DCDC1: variants seen among roughly 807,000 people sequenced by gnomAD.
DCDC1 encodes doublecortin domain containing 1, also known as doublecortin domain-containing protein 1.
Under a neutral mutation model 178.3 loss-of-function variants are expected in DCDC1, and 200 were observed. The ratio of observed to expected loss-of-function variants is 1.12; its 90% CI spans 1.00 to 1.26. The LOEUF (loss-of-function observed/expected upper bound fraction) is 1.26, where lower values mean the gene tolerates loss of function less well. Ranked by LOEUF, DCDC1 falls within the 50% of genes most tolerant of loss-of-function variation. The pLI, the probability that DCDC1 is intolerant of heterozygous loss-of-function variation, is 0.00. For synonymous variants in DCDC1, 690 were observed against 604.8 expected (o/e 1.14, Z -2.07); for missense variants, 1,983 against 1,749.2 (o/e 1.13, Z -2.38).
chr11:30,993,908 C>T (rs112394094), intron 20 of DCDC1, among the ~76,000 whole-genome samples: 53 of 152,116 alleles, frequency 3.5e-4, no homozygotes, highest in African/African-American at 1.2e-3. Context: ...ATAGTTTATA[C>T]CAGAACATAG....
intron 38 of DCDC1, among the ~76,000 whole-genome samples, chr11:30,877,732 T>C (rs1349587931): frequency 1.3e-5 from 2 of 152,072 alleles, no homozygotes; most frequent in African/African-American, 4.8e-5. Context: ...GAAGAAAGCA[T>C]TGATTTGTGT....
chr11:31,309,807 T>C (rs963691803), intron 3 of DCDC1, among the ~76,000 whole-genome samples: 47 of 152,292 alleles, frequency 3.1e-4, no homozygotes, highest in African/African-American at 1.1e-3. Flanking sequence ...TATTCTGAAG[T>C]TTTAATCATG....
chr11:31,105,579 A>G (rs1958793628), intron 13 of DCDC1, among the ~76,000 whole-genome samples: 1 of 151,780 alleles, frequency 6.6e-6, no homozygotes, highest in Non-Finnish European at 1.5e-5. Context: ...TCTACTTACA[A>G]CGTAATTAAA....
At chr11:30,880,211 T>A (rs1478457596) in intron 37 of DCDC1, among the ~76,000 whole-genome samples, 1 of 152,004 alleles carries the variant, frequency 6.6e-6, no homozygotes, top group East Asian at 1.9e-4. Flanking sequence ...AGGGTAGTGA[T>A]GGGTGATGGG....
chr11:30,881,605 G>A (rs1246888023), intron 36 of DCDC1, among the ~76,000 whole-genome samples: 1 of 152,114 alleles, frequency 6.6e-6, no homozygotes, highest in African/African-American at 2.4e-5. Context: ...AAACTGGATT[G>A]AAAATCTAGA....
rs1324888212 is a variant in DCDC1, at chr11:31,080,676, CTT to C, written c.2238-2753_2238-2752del. ...TCAATCCCAAGCTTAGAAGTATACT[CTT>C]TTCAAAATAATAAAAAAGAGTGATT... On this transcript the variant is annotated intron_variant, in intron 17 of 38. Transcript: ENST00000684477. 3.3e-5 allele frequency among the ~76,000 whole-genome samples: 5 copies of C among 152,210 alleles called. No homozygotes were observed. The East Asian group carries it at 9.7e-4, about 29-fold the overall frequency.
chr11:31,064,691 A>G, intron 19 of DCDC1, 65 bp from the exon 20 acceptor site: 1 of 740,834 alleles, frequency 1.3e-6, no homozygotes, highest in Non-Finnish European at 2.5e-6. Flanking sequence ...TAAACTATAC[A>G]TGCCAAAAAT....
At chr11:31,359,744 T>C (rs1951610446) in intron 1 of DCDC1, among the ~76,000 whole-genome samples, 1 of 152,178 alleles carries the variant, frequency 6.6e-6, no homozygotes, top group Admixed American at 6.5e-5. Context: ...CTGTACATTT[T>C]CCCTACCTGT....
chr11:31,213,069 G>A (rs542944935), intron 9 of DCDC1, among the ~76,000 whole-genome samples: 23 of 144,486 alleles, frequency 1.6e-4, no homozygotes, highest in Admixed American at 1.2e-3. Context: ...GTGCATTGGT[G>A]AAACTGTGTC....
chr11:31,180,097 T>C (rs1270683546), intron 9 of DCDC1, among the ~76,000 whole-genome samples: 1 of 151,794 alleles, frequency 6.6e-6, no homozygotes, highest in Non-Finnish European at 1.5e-5. Flanking sequence ...TGATAAAAAC[T>C]CCCAACAAAC....
chr11:31,358,127 C>G (rs1951491225), intron 1 of DCDC1, among the ~76,000 whole-genome samples: 2 of 150,618 alleles, frequency 1.3e-5, no homozygotes, highest in Admixed American at 1.3e-4. Flanking sequence ...CCCGCATCGC[C>G]AAGTCAATCC....
intron 10 of DCDC1, among the ~76,000 whole-genome samples, chr11:31,131,248 G>A: frequency 6.7e-6 from 1 of 150,268 alleles, no homozygotes; most frequent in African/African-American, 2.5e-5. Flanking sequence ...AAGGAAGGAA[G>A]AAATTAAAGG....
intron 9 of DCDC1, among the ~76,000 whole-genome samples, chr11:31,212,224 G>T (rs1272228129): frequency 6.6e-6 from 1 of 151,770 alleles, no homozygotes; most frequent in Non-Finnish European, 1.5e-5. Flanking sequence ...CTGTATGAAT[G>T]AAAAATTTCA....
chr11:31,211,626 G>A (rs771166361), intron 9 of DCDC1, among the ~76,000 whole-genome samples: 2 of 152,114 alleles, frequency 1.3e-5, no homozygotes, highest in Non-Finnish European at 2.9e-5. Flanking sequence ...ATCATTTTCA[G>A]TATTTTTAAG....
intron 9 of DCDC1, among the ~76,000 whole-genome samples, chr11:31,154,057 G>A (rs1254827668): frequency 6.6e-6 from 1 of 152,142 alleles, no homozygotes; most frequent in Non-Finnish European, 1.5e-5. Context: ...TCACGCTAGC[G>A]AGTGAGTTCT....
chr11:31,220,043 AC>A (rs1200070396), intron 9 of DCDC1, among the ~76,000 whole-genome samples: 2 of 152,206 alleles, frequency 1.3e-5, no homozygotes, highest in African/African-American at 4.8e-5. Context: ...CTCTGAAGAT[AC>A]GCCATGAATT....
chr11:31,137,875 A>C, intron 9 of DCDC1, 91 bp from the exon 10 acceptor site: 1 of 594,426 alleles, frequency 1.7e-6, no homozygotes, highest in Non-Finnish European at 3.0e-6. Context: ...CATAATCATG[A>C]ATGTGATTTG....
chr11:30,887,221 C>T (rs961638623), intron 36 of DCDC1, among the ~76,000 whole-genome samples: 1 of 152,076 alleles, frequency 6.6e-6, no homozygotes, highest in African/African-American at 2.4e-5. Flanking sequence ...TATTCATGTT[C>T]AATATTTTAT....
At chr11:31,112,687 A>G (rs962862237) in intron 11 of DCDC1, among the ~76,000 whole-genome samples, 4 of 152,298 alleles carry the variant, frequency 2.6e-5, no homozygotes, top group Non-Finnish European at 4.4e-5. Flanking sequence ...GGAATAAGTT[A>G]CTTCTATGCC....
Sources: allele counts gnomAD v4.1 joint callset (sites outside exome capture counted in the v4.1 genomes callset), GRCh38; gene constraint gnomAD v4.1.1; transcripts MANE v1.5; gene names NCBI Gene and HGNC (gene_info 2026-07-23, HGNC 2026-07-21).